The following CDC16 variants were observed in gnomAD, a reference collection of about 807,000 sequenced individuals.
CDC16 encodes the protein cell division cycle protein 16 homolog.
CDC16 carries 34 observed loss-of-function variants against 87.0 expected under a neutral mutation model. The observed-to-expected ratio is 0.39, with a 90% confidence interval of 0.30 to 0.52. The LOEUF is 0.52. Ranked by LOEUF, CDC16 falls within the 20% of genes least tolerant of loss-of-function variation. The pLI is 0.74. For missense variants in CDC16, 653 were observed against 751.9 expected, an observed-to-expected ratio of 0.87 and a Z score of 1.54; for synonymous variants, 263 against 260.6, an observed-to-expected ratio of 1.01 and a Z score of -0.09.
chr13:114,264,173 A>C (rs1299904126), intron 16 of CDC16: 1 of 152,222 alleles, frequency 6.6e-6, no homozygotes, highest in African/African-American at 2.4e-5. Context: ...TGGACTAAGC[A>C]CATTTTCTAG....
In CDC16 at chr13:114,263,081, T is replaced by A; in HGVS notation, c.1512+67T>A. 2.9e-6 allele frequency: 4 copies of A among 1,401,844 alleles called. No homozygotes were observed. In the African/African-American group the frequency reaches 4.3e-5, roughly 15 times the overall value. 86.8% of individuals were successfully genotyped at this position (1,401,844 alleles called of 1,614,324 possible). On this transcript the variant is annotated intron_variant, in intron 16 of 17. Coordinates refer to ENST00000356221, the MANE Select transcript of CDC16 (RefSeq NM_001078645.3). ...TTGACCACTTCCTTTTTTGAAAATA[T>A]TTTTTCTAGGTAATATTGACTTACT...
At chr13:114,263,067 CT>C (rs762657944) in intron 16 of CDC16, 53 bp downstream of exon 16, 12 of 1,500,428 alleles carry the variant, frequency 8.0e-6, no homozygotes, top group Non-Finnish European at 1.0e-5. Flanking sequence ...TGACCACTTC[CT>C]TTTTTGAAAA....
intron 12 of CDC16, among the ~76,000 whole-genome samples, chr13:114,254,426 G>A (rs1206243082): frequency 6.6e-6 from 1 of 151,818 alleles, no homozygotes; most frequent in Non-Finnish European, 1.5e-5. Context: ...ATTATAATTA[G>A]CACCTTAATT....
rs184463698 is a variant in CDC16, at chr13:114,270,039, G to A, written c.1604-2145G>A. On this transcript the variant is annotated intron_variant, in intron 17 of 17. Transcript: ENST00000356221. Reference sequence around the variant, plus strand: ...AGATTTTTGACAAAAATGTGAATATGTACTAATTACTTCCATTTATAGGAA... The same window carrying A: ...AGATTTTTGACAAAAATGTGAATATATACTAATTACTTCCATTTATAGGAA... 2.0e-3 allele frequency among the ~76,000 whole-genome samples: 305 copies of A among 152,304 alleles called. 2 individuals are homozygous for A. The highest frequency in any genetic ancestry group is 2.8e-3 in the Non-Finnish European group (193 of 68,030).
intron 12 of CDC16, among the ~76,000 whole-genome samples, chr13:114,253,403 G>C (rs2082305802): frequency 6.6e-6 from 1 of 151,716 alleles, no homozygotes; most frequent in Non-Finnish European, 1.5e-5. Flanking sequence ...AATTTATTGA[G>C]GCTGGCCGGG....
Position 114,259,315 on chromosome 13 carries a change from CT to C in CDC16, c.1251-14del, listed in dbSNP as rs2139094349. On this transcript the variant is annotated intron_variant, in intron 13 of 17. Coordinates refer to ENST00000356221, the MANE Select transcript of CDC16 (RefSeq NM_001078645.3). Reference sequence around the variant, plus strand: ...TTGCTAATTTCGAATAATCTGCAACCTTTTTTCCTTTCATTTTAGATGGAAA... The same window carrying C: ...TTGCTAATTTCGAATAATCTGCAACCTTTTTCCTTTCATTTTAGATGGAAA... 5 of 1,558,202 alleles carry C rather than the reference CT, an allele frequency of 3.2e-6. No individual in the cohort carries two copies. Among genetic ancestry groups the C allele is most frequent in the Admixed American group, 4.4e-5 (2 of 45,032 alleles).
chr13:114,272,068 A>G (rs2083717947), intron 17 of CDC16, 116 bp from the exon 18 acceptor site: 1 of 590,894 alleles, frequency 1.7e-6, no homozygotes, highest in Non-Finnish European at 2.9e-6. Flanking sequence ...GGAGTTTTGT[A>G]TTTTATTCTA....
In CDC16 at chr13:114,261,869, G is replaced by A; in HGVS notation, c.1315-18G>A. ...AGTGACATATATAACTCGTGGGCTT[G>A]ATGTTGCTATGTTTTAGGTAACAGT... On this transcript the variant is annotated intron_variant, in intron 14 of 17. Coordinates refer to ENST00000356221, the MANE Select transcript of CDC16 (RefSeq NM_001078645.3). 6.3e-7 allele frequency: 1 copy of A among 1,575,990 alleles called. No individual in the cohort carries two copies. The highest frequency in any genetic ancestry group is 8.6e-7 in the Non-Finnish European group (1 of 1,157,430).
chr13:114,242,329 G>A, intron 6 of CDC16, 49 bp downstream of exon 6: 2 of 1,569,318 alleles, frequency 1.3e-6, no homozygotes. Flanking sequence ...AATTAATATT[G>A]TTTGGATTTT....
chr13:114,259,760 T>C (rs368820458), intron 14 of CDC16, among the ~76,000 whole-genome samples: 103 of 152,368 alleles, frequency 6.8e-4, no homozygotes, highest in African/African-American at 2.4e-3. Flanking sequence ...AGAGCTTCTT[T>C]GACTGAAGGG....
intron 5 of CDC16, 137 bp from the exon 6 acceptor site, chr13:114,241,984 C>G: frequency 1.1e-6 from 1 of 949,724 alleles, no homozygotes; most frequent in South Asian, 1.8e-5. Context: ...CATAGGAGTT[C>G]AAGGCTGCAG....
Position 114,234,904 on chromosome 13 carries a change from G to C in CDC16, c.-181G>C, listed in dbSNP as rs1594534405. Reference sequence around the variant, plus strand: ...GAGCGGAAGAGCCTGGGCAGTGCACGGGGCCTGGGTGGGGGGTGCGGGTGT... The same window carrying C: ...GAGCGGAAGAGCCTGGGCAGTGCACCGGGCCTGGGTGGGGGGTGCGGGTGT... On this transcript the variant is annotated 5_prime_UTR_variant, in exon 1 of 18. Transcript: ENST00000356221. 5.1e-6 allele frequency: 2 copies of C among 393,784 alleles called. No individual in the cohort carries two copies. Among genetic ancestry groups the C allele is most frequent in the Non-Finnish European group, 8.9e-6 (2 of 225,100 alleles). 24.4% of individuals were successfully genotyped at this position (393,784 alleles called of 1,614,324 possible). A position where few individuals can be genotyped will look rare whatever the true frequency, so the allele number is the denominator to read the frequency against.
At chr13:114,256,718 A>G (rs568922111) in intron 12 of CDC16, among the ~76,000 whole-genome samples, 10 of 152,340 alleles carry the variant, frequency 6.6e-5, no homozygotes, top group African/African-American at 2.4e-4. Context: ...CTTGAAGGAT[A>G]AATGGTGGTG....
intron 1 of CDC16, 44 bp downstream of exon 1, chr13:114,235,176 G>C (rs2081182454): frequency 8.3e-7 from 1 of 1,209,148 alleles, no homozygotes; most frequent in African/African-American, 1.6e-5. Flanking sequence ...GCCTCGCCGG[G>C]TCTTTTTCCG....
rs2083727859 is a variant in CDC16, at chr13:114,272,164, AT to A, written c.1604-18del. ...TGATGGAATTTCTTATTTTATTCTAATTATAGTATTTCTTTTTAGGAGCAGA... is the reference window on the plus strand; with the variant it reads ...TGATGGAATTTCTTATTTTATTCTAATATAGTATTTCTTTTTAGGAGCAGA... On this transcript the variant is annotated intron_variant, in intron 17 of 17. Coordinates refer to ENST00000356221, the MANE Select transcript of CDC16 (RefSeq NM_001078645.3). 7.6e-7 allele frequency: 1 copy of A among 1,322,272 alleles called. No homozygotes were observed. The highest frequency in any genetic ancestry group is 1.1e-6 in the Non-Finnish European group (1 of 950,868). 81.9% of individuals were successfully genotyped at this position (1,322,272 alleles called of 1,614,324 possible).
intron 13 of CDC16, 72 bp downstream of exon 13, chr13:114,257,302 C>T (rs2082559200): frequency 1.0e-6 from 1 of 953,262 alleles, no homozygotes; most frequent in South Asian, 2.3e-5. Flanking sequence ...CACTAGAGTT[C>T]ACTGACAAAA....
chr13:114,244,001 C>T lies in CDC16; in HGVS notation c.767+12C>T. ...AAGCTTACTTCTGTGTAAGTATATC[C>T]ATCCATTTTTCTGTAGGAACATGGA... On this transcript the variant is annotated intron_variant, in intron 8 of 17. Transcript: ENST00000356221. The T allele has an allele frequency of 6.3e-7, 1 of 1,593,812 alleles. No homozygotes were observed. Among genetic ancestry groups the T allele is most frequent in the Non-Finnish European group, 8.6e-7 (1 of 1,164,682 alleles).
At chr13:114,257,368 GAA>G (rs990635287) in intron 13 of CDC16, 138 bp downstream of exon 13, 1 of 590,858 alleles carries the variant, frequency 1.7e-6, no homozygotes, top group South Asian at 3.9e-5. Context: ...GAAGGAGATA[GAA>G]AAAAAAGAGA....
At chr13:114,260,261 A>G (rs541194811) in intron 14 of CDC16, among the ~76,000 whole-genome samples, 1 of 152,198 alleles carries the variant, frequency 6.6e-6, no homozygotes, top group Non-Finnish European at 1.5e-5. Flanking sequence ...CTCTCATGTC[A>G]TCTGAACTTA....
Sources: gnomAD v4.1 joint callset for allele counts (sites outside exome capture counted in the v4.1 genomes callset) on GRCh38, gnomAD v4.1.1 for gene constraint, MANE v1.5 for transcripts, NCBI Gene and HGNC (gene_info 2026-07-23, HGNC 2026-07-21) for gene names.